GLIS3: variants seen among roughly 807,000 people sequenced by gnomAD.
GLIS3 encodes GLIS family zinc finger 3, also known as zinc finger protein GLIS3.
GLIS3 carries 53 observed loss-of-function variants against 78.6 expected under a neutral mutation model. The observed-to-expected ratio is 0.67, with a 90% CI of 0.54 to 0.85. GLIS3 has a LOEUF of 0.85. GLIS3 is among the 40% of genes least tolerant of loss of function. The pLI is 0.00. For missense variants in GLIS3, 1,703 were observed against 1,231.1 expected (o/e 1.38, Z -5.74); for synonymous variants, 684 against 509.9 (o/e 1.34, Z -4.60).
chr9:4,437,155 A>G, the GLIS3 span, among the ~76,000 whole-genome samples: 1 of 152,174 alleles, frequency 6.6e-6, no homozygotes, highest in African/African-American at 2.4e-5. Flanking sequence ...AATCGTTACT[A>G]TGAAAGTGTA....
At chr9:3,971,654 G>T (rs1304589022) in intron 4 of GLIS3, among the ~76,000 whole-genome samples, 1 of 152,164 alleles carries the variant, frequency 6.6e-6, no homozygotes, top group Non-Finnish European at 1.5e-5. Flanking sequence ...ACAGTAGCAT[G>T]ACAGGCCTAT....
At chr9:4,391,512 T>C in the GLIS3 span, among the ~76,000 whole-genome samples, 2 of 152,140 alleles carry the variant, frequency 1.3e-5, no homozygotes, top group East Asian at 1.9e-4. Flanking sequence ...GTTCAAGTAG[T>C]TTCTTCCTCA....
At chr9:4,473,466 A>AAAAAAAAAAAAAAAAAAAAAAAAG in the GLIS3 span, among the ~76,000 whole-genome samples, 1 of 135,416 alleles carries the variant, frequency 7.4e-6, no homozygotes. Context: ...ACAACAAAAA[A>AAAAAAAAAAAAAAAAAAAAAAAAG]AAAGGATCAT....
chr9:4,059,829 T>TGTGTGTGTGTGTGTGAGAGAGAGAGAGA, intron 4 of GLIS3, among the ~76,000 whole-genome samples: 1 of 100,650 alleles, frequency 9.9e-6, no homozygotes, highest in African/African-American at 3.4e-5. Context: ...TGTGTGTGTG[T>TGTGTGTGTGTGTGTGAGAGAGAGAGAGA]GAGAGAGAGA....
At chr9:3,896,687 A>G (rs554797617) in intron 7 of GLIS3, among the ~76,000 whole-genome samples, 200 of 151,142 alleles carry the variant, frequency 1.3e-3, no homozygotes, top group Non-Finnish European at 2.5e-3. Flanking sequence ...AAAAAGAAGT[A>G]GAGAGGGTAA....
chr9:4,104,567 A>G (rs1464001922), intron 4 of GLIS3, among the ~76,000 whole-genome samples: 1 of 152,144 alleles, frequency 6.6e-6, no homozygotes, highest in Admixed American at 6.6e-5. Context: ...GTCAGACCCT[A>G]TCACTCCTCT....
intron 1 of GLIS3, among the ~76,000 whole-genome samples, chr9:4,292,419 G>C (rs916507555): frequency 6.6e-6 from 1 of 152,096 alleles, no homozygotes; most frequent in African/African-American, 2.4e-5. Flanking sequence ...GGCCAAAACA[G>C]TATAAAAGTC....
chr9:3,927,879 A>G (rs1825358397), intron 6 of GLIS3, among the ~76,000 whole-genome samples: 1 of 152,254 alleles, frequency 6.6e-6, no homozygotes, highest in African/African-American at 2.4e-5. Flanking sequence ...TAAATTTAAG[A>G]TGGCTTATTT....
the GLIS3 span, among the ~76,000 whole-genome samples, chr9:4,418,242 A>T: frequency 4.9e-5 from 7 of 143,816 alleles, no homozygotes; most frequent in South Asian, 7.0e-4. Flanking sequence ...GGCTGAGGCA[A>T]TTTTTAATTC....
At chr9:3,864,055 A>G (rs1299203582) in intron 8 of GLIS3, among the ~76,000 whole-genome samples, 1 of 152,172 alleles carries the variant, frequency 6.6e-6, no homozygotes, top group Non-Finnish European at 1.5e-5. Context: ...AGAAAGGCTG[A>G]TTCTGCCAAA....
chr9:4,258,601 G>A (rs761732770), intron 2 of GLIS3, among the ~76,000 whole-genome samples: 3 of 152,160 alleles, frequency 2.0e-5, no homozygotes, highest in Admixed American at 6.5e-5. Flanking sequence ...TCTGGAAGAT[G>A]GCCTTTGCTT....
At chr9:4,047,317 C>A (rs956534371) in intron 4 of GLIS3, among the ~76,000 whole-genome samples, 1 of 152,118 alleles carries the variant, frequency 6.6e-6, no homozygotes, top group Admixed American at 6.6e-5. Flanking sequence ...AAACCTCTTT[C>A]CTTTATAAAT....
the GLIS3 span, among the ~76,000 whole-genome samples, chr9:4,468,588 G>A: frequency 0.56 from 85,196 of 152,038 alleles, 24,871 homozygotes; most frequent in Middle Eastern, 0.66. Flanking sequence ...CAAATGCTGA[G>A]AGATTCTGTC....
chr9:4,146,742 T>C (rs531456788), intron 2 of GLIS3, among the ~76,000 whole-genome samples: 1 of 152,156 alleles, frequency 6.6e-6, no homozygotes, highest in Non-Finnish European at 1.5e-5. Flanking sequence ...CCATCCTAAA[T>C]ATGCAATTTA....
intron 2 of GLIS3, among the ~76,000 whole-genome samples, chr9:4,182,027 G>A (rs1817369995): frequency 6.6e-6 from 1 of 152,218 alleles, no homozygotes; most frequent in African/African-American, 2.4e-5. Context: ...GATAAAGCAA[G>A]TATAGCTTTA....
chr9:4,240,739 C>G (rs1194995121), intron 2 of GLIS3, among the ~76,000 whole-genome samples: 1 of 152,060 alleles, frequency 6.6e-6, no homozygotes, highest in Non-Finnish European at 1.5e-5. Flanking sequence ...AACCAATATT[C>G]AAACAAAAAT....
rs1180799709 is a variant in GLIS3 at position 3,956,095 on chromosome 9, C to T, written c.1711-18906G>A. On this transcript the variant is annotated intron_variant, in intron 4 of 10. Coordinates refer to ENST00000381971, the MANE Select transcript of GLIS3 (RefSeq NM_001042413.2). ...TCTTCATCCGTGGTCAAACTACCTG[C>T]TTACATTGTCCATGAAAAAAACTCT... Among the ~76,000 whole-genome samples the T allele has an allele frequency of 6.0e-5, 9 of 151,118 alleles. No individual in the cohort carries two copies. In the East Asian group the frequency reaches 9.7e-4, roughly 16 times the overall value.
chr9:4,214,422 C>A (rs1433262198), intron 2 of GLIS3, among the ~76,000 whole-genome samples: 2 of 152,172 alleles, frequency 1.3e-5, no homozygotes, highest in East Asian at 1.9e-4. Flanking sequence ...ATATCTCCAT[C>A]GGCACGTATG....
upstream of GLIS3, among the ~76,000 whole-genome samples, chr9:4,348,707 A>G (rs532641835): frequency 2.8e-4 from 42 of 152,368 alleles, 1 homozygote; most frequent in African/African-American, 1.0e-3. Flanking sequence ...CAAATATGGT[A>G]AATATGCGGT....
Sources: gnomAD v4.1 joint callset for allele counts (sites outside exome capture counted in the v4.1 genomes callset) on GRCh38, gnomAD v4.1.1 for gene constraint, MANE v1.5 for transcripts, NCBI Gene and HGNC (gene_info 2026-07-23, HGNC 2026-07-21) for gene names.